Variants in PCDH15 observed in about 807,000 individuals in gnomAD.
The protein encoded by PCDH15 is protocadherin-15.
PCDH15 carries 129 observed loss-of-function variants against 178.5 expected under a neutral mutation model. The ratio of observed to expected loss-of-function variants is 0.72; its 90% CI spans 0.63 to 0.84. The LOEUF (loss-of-function observed/expected upper bound fraction) is 0.84, where lower values mean the gene tolerates loss of function less well. PCDH15 is among the 40% of genes least tolerant of loss of function. The pLI is 0.00. For synonymous variants in PCDH15, 800 were observed against 732.0 expected (o/e 1.09, Z -1.50); for missense variants, 2,230 against 2,099.9 (o/e 1.06, Z -1.21).
At chr10:55,541,772 T>G (rs1012191890) in intron 2 of PCDH15, among the ~76,000 whole-genome samples, 2 of 151,900 alleles carry the variant, frequency 1.3e-5, no homozygotes, top group Admixed American at 1.3e-4. Flanking sequence ...GTTAATTACA[T>G]TTTCATTTTT....
intron 3 of PCDH15, 111 bp from the exon 4 acceptor site, chr10:54,379,053 T>C: frequency 8.9e-7 from 1 of 1,125,960 alleles, no homozygotes; most frequent in Non-Finnish European, 1.3e-6. Flanking sequence ...AAGCTGAAAA[T>C]ACTCAACTGT....
At chr10:54,638,684 G>A (rs1254831947) in intron 2 of PCDH15, among the ~76,000 whole-genome samples, 1 of 151,672 alleles carries the variant, frequency 6.6e-6, no homozygotes, top group Admixed American at 6.6e-5. Context: ...CCACTACTAG[G>A]TATCTACTCA....
chr10:53,810,403 T>C (rs756781951), intron 37 of PCDH15, 153 bp downstream of exon 37: 1 of 612,216 alleles, frequency 1.6e-6, no homozygotes, highest in Admixed American at 2.9e-5. Flanking sequence ...GACAAGGCAA[T>C]GAAACGGTCA....
rs112722581 is a variant in PCDH15, at chr10:53,924,418, C to T, written c.3373+14397G>A. 2.4e-3 allele frequency among the ~76,000 whole-genome samples: 369 copies of T among 152,334 alleles called. 3 individuals carry two copies. The highest frequency in any genetic ancestry group is 7.4e-3 in the African/African-American group (307 of 41,580). On this transcript the variant is annotated intron_variant, in intron 25 of 37. Coordinates refer to ENST00000644397, the MANE Select transcript of PCDH15 (RefSeq NM_001384140.1). ...TCACTGGGCCTCAGCTGCCTCCCTG[C>T]GGGGCAAGGCTTGGGACCTGCAGCC...
intron 2 of PCDH15, among the ~76,000 whole-genome samples, chr10:55,616,424 A>G (rs1308912183): frequency 6.6e-6 from 1 of 152,168 alleles, no homozygotes; most frequent in African/African-American, 2.4e-5. Flanking sequence ...TGAATTGCAG[A>G]CAACCATGTA....
At chr10:53,984,946 C>G (rs2090993099) in intron 21 of PCDH15, among the ~76,000 whole-genome samples, 1 of 152,110 alleles carries the variant, frequency 6.6e-6, no homozygotes, top group South Asian at 2.1e-4. Context: ...CGGGAGCAGT[C>G]TTTACATGTC....
chr10:54,415,958 A>T (rs1458645500), intron 3 of PCDH15, among the ~76,000 whole-genome samples: 1 of 151,918 alleles, frequency 6.6e-6, no homozygotes. Context: ...ATATTTTTTA[A>T]AAAATCGACT....
intron 2 of PCDH15, among the ~76,000 whole-genome samples, chr10:55,541,193 T>A (rs1024187636): frequency 6.6e-6 from 1 of 151,948 alleles, no homozygotes; most frequent in Non-Finnish European, 1.5e-5. Flanking sequence ...TTTACACTAA[T>A]AAAGTTTGAA....
intron 2 of PCDH15, among the ~76,000 whole-genome samples, chr10:55,365,372 A>C (rs1271066077): frequency 6.6e-6 from 1 of 152,160 alleles, no homozygotes; most frequent in Non-Finnish European, 1.5e-5. Context: ...CCCTTGGATC[A>C]TTCACTCTGT....
At position 53,820,227 on chromosome 10, in the gene PCDH15, C is replaced by CCAA. The variant is rs570849205; in HGVS notation, c.4368_4370dup (p.Ile1456_Trp1457insCys). ...ATATGACCAGCTGCCAACAAAAACT[C>CCAA]CAACTGAAGTTTTTCAGTGAAAGAA... On this transcript the variant is annotated inframe_insertion, in exon 33 of 38. Transcript: ENST00000644397. 9.2e-4 allele frequency: 366 copies of CCAA among 397,766 alleles called. No homozygotes were observed. The highest frequency in any genetic ancestry group is 7.6e-3 in the Middle Eastern group (12 of 1,586). 24.6% of individuals were successfully genotyped at this position (397,766 alleles called of 1,614,324 possible).
In PCDH15 at chr10:53,976,700, T is replaced by C. The variant is rs187984502; in HGVS notation, c.2869-14808A>G. ...GTAAGCTCCATTCGAGTAGATTTTT[T>C]TTGTGATTTGCCATTATTTAAGAGG... On this transcript the variant is annotated intron_variant, in intron 21 of 37. Coordinates refer to ENST00000644397, the MANE Select transcript of PCDH15 (RefSeq NM_001384140.1). Among the ~76,000 whole-genome samples the C allele has an allele frequency of 3.3e-5, 5 of 151,992 alleles. No homozygotes were observed. The East Asian group carries it at 9.7e-4, about 29-fold the overall frequency.
intron 9 of PCDH15, among the ~76,000 whole-genome samples, chr10:54,231,857 GAATGGGTGTATTCACCCA>G (rs907997336): frequency 6.6e-6 from 1 of 152,138 alleles, no homozygotes; most frequent in African/African-American, 2.4e-5. Flanking sequence ...TCCTTTTTTG[GAATGGGTGTATTCACCCA>G]AAGCCTGTAC....
At chr10:53,808,726 C>G (rs748541588) in intron 37 of PCDH15, 39 of 1,613,062 alleles carry the variant, frequency 2.4e-5, no homozygotes, top group Non-Finnish European at 3.3e-5. Context: ...AGAGTTTGCT[C>G]CTGGCGACTT....
At chr10:55,488,350 C>T (rs1373716401) in intron 2 of PCDH15, among the ~76,000 whole-genome samples, 2 of 151,468 alleles carry the variant, frequency 1.3e-5, no homozygotes, top group African/African-American at 4.8e-5. Context: ...CAGTGTAGTG[C>T]CTTAAGGAAT....
chr10:54,409,323 A>C (rs1486460759), intron 3 of PCDH15, among the ~76,000 whole-genome samples: 1 of 152,170 alleles, frequency 6.6e-6, no homozygotes, highest in African/African-American at 2.4e-5. Flanking sequence ...GTCAAAACAG[A>C]ATCTATTTCT....
chr10:53,999,407 A>G (rs1221243511), intron 20 of PCDH15, among the ~76,000 whole-genome samples: 2 of 151,722 alleles, frequency 1.3e-5, no homozygotes, highest in Non-Finnish European at 2.9e-5. Context: ...TTCTCTCTCA[A>G]TTTCTGTATT....
intron 2 of PCDH15, among the ~76,000 whole-genome samples, chr10:55,585,950 T>A (rs1276415801): frequency 2.0e-5 from 3 of 152,034 alleles, no homozygotes; most frequent in Non-Finnish European, 4.4e-5. Flanking sequence ...ATAGGATGAA[T>A]CTCCACATTT....
intron 3 of PCDH15, among the ~76,000 whole-genome samples, chr10:54,877,052 A>C (rs1591758393): frequency 6.6e-6 from 1 of 152,170 alleles, no homozygotes; most frequent in East Asian, 1.9e-4. Context: ...TAGCAACTAC[A>C]CTCATCAGTG....
intron 2 of PCDH15, among the ~76,000 whole-genome samples, chr10:55,136,587 G>A (rs566385897): frequency 6.6e-6 from 1 of 152,172 alleles, no homozygotes; most frequent in South Asian, 2.1e-4. Flanking sequence ...CAATCAAAGA[G>A]GGGTAAAGGA....
Sources: allele counts gnomAD v4.1 joint callset (sites outside exome capture counted in the v4.1 genomes callset), GRCh38; gene constraint gnomAD v4.1.1; transcripts MANE v1.5; gene names NCBI Gene and HGNC (gene_info 2026-07-23, HGNC 2026-07-21).